ZNF595: variants seen among roughly 807,000 people sequenced by gnomAD.
ZNF595 encodes the protein zinc finger protein 595.
A neutral mutation model predicts 19.4 loss-of-function variants in ZNF595; 9 were observed. The observed-to-expected ratio is 0.46, with a 90% CI of 0.28 to 0.81. ZNF595 has a LOEUF of 0.81. Among genes scored for constraint, ZNF595 ranks in the 30% least tolerant of loss-of-function variants. The pLI is 0.11. For missense variants in ZNF595, 729 were observed against 736.0 expected (o/e 0.99, Z 0.11); for synonymous variants, 255 against 255.9 (o/e 1.00, Z 0.03).
chr4:60,296 T>C, intron 3 of ZNF595, 143 bp downstream of exon 3: 1 of 412,038 alleles, frequency 2.4e-6, no homozygotes, highest in Non-Finnish European at 4.7e-6. Flanking sequence ...TATTCACAAA[T>C]AGGGTCATCT....
chr4:84,045 C>T (rs1714034202), intron 3 of ZNF595, among the ~76,000 whole-genome samples: 1 of 151,984 alleles, frequency 6.6e-6, no homozygotes. Flanking sequence ...CATAAAATTT[C>T]TTAAAATAAT....
At chr4:78,464 G>A (rs1713765901) in intron 3 of ZNF595, among the ~76,000 whole-genome samples, 1 of 152,174 alleles carries the variant, frequency 6.6e-6, no homozygotes. Flanking sequence ...AAAGTTATCT[G>A]TGTGGTATTT....
Position 82,606 on chromosome 4 carries a change from A to G in ZNF595, c.227-3125A>G, listed in dbSNP as rs149705559. On this transcript the variant is annotated intron_variant, in intron 3 of 3. Coordinates refer to ENST00000610261, the MANE Select transcript of ZNF595 (RefSeq NM_182524.4). ...TCCATGTTGGTCAGGCTGGTCTCGA[A>G]CTAATGACCTCAAGTGATCTGCTTG... Among the ~76,000 whole-genome samples, 675 of 151,994 alleles carry G rather than the reference A, an allele frequency of 4.4e-3. 3 individuals are homozygous for G. Among genetic ancestry groups the G allele is most frequent in the African/African-American group, 0.015 (620 of 41,470 alleles).
At position 85,764 on chromosome 4, in the gene ZNF595, C is replaced by A; in HGVS notation, c.260C>A (p.Pro87Gln). 1 of 1,597,390 alleles carries A rather than the reference C, an allele frequency of 6.3e-7. No homozygotes were observed. Among genetic ancestry groups the A allele is most frequent in the African/African-American group, 1.3e-5 (1 of 74,300 alleles). ...ICSPFSQDLS[P>Q]VQGIEDSFHK... ...TCTCCTTTCAGCCAAGACCTTTCAC[C>A]AGTGCAGGGGATAGAAGATTCATTC... The change falls in exon 4 of 4, where the codon CCA (proline) becomes CAA (glutamine). Residue 87 changes from proline (P) to glutamine (Q), a missense_variant. Pro to Gln is a moderately conservative substitution (Grantham distance 76). Transcript: ENST00000610261.
chr4:82,997 T>G (rs1398804663), intron 3 of ZNF595, among the ~76,000 whole-genome samples: 1 of 152,160 alleles, frequency 6.6e-6, no homozygotes, highest in East Asian at 1.9e-4. Context: ...GCTCTCTATG[T>G]CTTGCTTTAC....
chr4:66,505 A>T (rs1349138033), intron 3 of ZNF595, among the ~76,000 whole-genome samples: 1 of 151,956 alleles, frequency 6.6e-6, no homozygotes, highest in Non-Finnish European at 1.5e-5. Flanking sequence ...TTGATGTTAC[A>T]TGCAAGAAAA....
chr4:82,371 G>GTTTTTTTTTTTTTTTTTTTTTTTTT (rs1560092266), intron 3 of ZNF595, among the ~76,000 whole-genome samples: 2 of 97,714 alleles, frequency 2.0e-5, no homozygotes, highest in African/African-American at 3.7e-5. Flanking sequence ...TTTGGTTTGT[G>GTTTTTTTTTTTTTTTTTTTTTTTTT]GTTTTTTTTT....
Position 86,904 on chromosome 4 carries a change from T to C in ZNF595, c.1400T>C (p.Leu467Pro). ...CGKAFTRSTT[L>P]NEHKKIHTGE... Reference sequence around the variant, plus strand: ...AAAGCCTTTACACGGTCCACAACACTGAACGAACATAAGAAAATTCATACT... The same window carrying C: ...AAAGCCTTTACACGGTCCACAACACCGAACGAACATAAGAAAATTCATACT... The change falls in exon 4 of 4, where the codon CTG (leucine) becomes CCG (proline). Residue 467 changes from leucine (L) to proline (P), a missense_variant. By Grantham distance (98) the Leu-to-Pro change is moderately conservative. Around this residue, in one of 2 missense-constraint regions of ZNF595, gnomAD observed 729 missense variants for 675.3 expected, o/e 1.08. Coordinates refer to ENST00000610261, the MANE Select transcript of ZNF595 (RefSeq NM_182524.4). The C allele has an allele frequency of 6.2e-7, 1 of 1,610,730 alleles. No individual in the cohort carries two copies. Among genetic ancestry groups the C allele is most frequent in the South Asian group, 1.1e-5 (1 of 90,546 alleles).
chr4:55,006 C>T (rs1313894404), intron 1 of ZNF595, among the ~76,000 whole-genome samples: 4 of 151,276 alleles, frequency 2.6e-5, no homozygotes, highest in Admixed American at 6.6e-5. Flanking sequence ...CTCAGTCTCC[C>T]GAGTAGCTGG....
intron 3 of ZNF595, among the ~76,000 whole-genome samples, chr4:79,194 T>C (rs1713801461): frequency 6.6e-6 from 1 of 152,238 alleles, no homozygotes; most frequent in Non-Finnish European, 1.5e-5. Flanking sequence ...TGTAATTATA[T>C]AATGTCTGTT....
intron 1 of ZNF595, among the ~76,000 whole-genome samples, chr4:55,187 TC>T (rs1581310118): frequency 6.6e-6 from 1 of 151,382 alleles, no homozygotes; most frequent in Non-Finnish European, 1.5e-5. Context: ...GCGCCCGGCC[TC>T]CCACCCATGG....
intron 3 of ZNF595, among the ~76,000 whole-genome samples, chr4:71,793 T>C (rs1322878005): frequency 6.6e-6 from 1 of 152,198 alleles, no homozygotes; most frequent in Non-Finnish European, 1.5e-5. Context: ...AAAGCTGATA[T>C]TGATGGGAAA....
chr4:66,282 C>A (rs1371488721), intron 3 of ZNF595, among the ~76,000 whole-genome samples: 1 of 150,732 alleles, frequency 6.6e-6, no homozygotes, highest in Non-Finnish European at 1.5e-5. Context: ...TTGTGTATTT[C>A]ATCTTTGGAG....
At chr4:74,549 C>G (rs377545090) in intron 3 of ZNF595, among the ~76,000 whole-genome samples, 2 of 152,122 alleles carry the variant, frequency 1.3e-5, no homozygotes, top group Non-Finnish European at 2.9e-5. Context: ...GGCAGGAAGT[C>G]CTGGAGACAT....
Position 70,869 on chromosome 4 carries a change from C to T in ZNF595, c.226+10716C>T, listed in dbSNP as rs114050922. Among the ~76,000 whole-genome samples, 904 of 152,168 alleles carry T rather than the reference C, an allele frequency of 5.9e-3. 5 individuals are homozygous for T. Among genetic ancestry groups the T allele is most frequent in the Admixed American group, 0.01 (154 of 15,286 alleles). On this transcript the variant is annotated intron_variant, in intron 3 of 3. Coordinates refer to ENST00000610261, the MANE Select transcript of ZNF595 (RefSeq NM_182524.4). ...CTGTCTACATTGTAGAATTGTTTTT[C>T]GTATTTCTGTGAAGAATGTCATTGA...
At chr4:74,381 G>C (rs1713559296) in intron 3 of ZNF595, among the ~76,000 whole-genome samples, 1 of 152,140 alleles carries the variant, frequency 6.6e-6, no homozygotes, top group Admixed American at 6.5e-5. Context: ...ATTGTTTTCT[G>C]TCTGAATGAT....
At chr4:71,346 G>T (rs1553797850) in intron 3 of ZNF595, among the ~76,000 whole-genome samples, 1 of 151,940 alleles carries the variant, frequency 6.6e-6, no homozygotes, top group African/African-American at 2.4e-5. Flanking sequence ...GTTCTGGCTG[G>T]CACTTCCAAT....
In ZNF595 at chr4:72,302, T is replaced by A. The variant is rs924748877; in HGVS notation, c.226+12149T>A. On this transcript the variant is annotated intron_variant, in intron 3 of 3. Transcript: ENST00000610261. ...AAGGGTAGTAAGTTTCTGAAATCTG[T>A]ACATTTTGGGAGCTATTTCACACAG... Among the ~76,000 whole-genome samples the A allele has an allele frequency of 2.0e-5, 3 of 152,184 alleles. No homozygotes were observed. The South Asian group carries it at 6.2e-4, about 32-fold the overall frequency.
intron 3 of ZNF595, among the ~76,000 whole-genome samples, chr4:73,673 A>G (rs1271943664): frequency 1.2e-4 from 18 of 152,156 alleles, no homozygotes; most frequent in African/African-American, 3.9e-4. Context: ...TTTGTCCTAT[A>G]TATTTTTTCC....
Sources: gnomAD v4.1 joint callset for allele counts (sites outside exome capture counted in the v4.1 genomes callset) on GRCh38, gnomAD v4.1.1 for gene constraint, gnomAD v4.1.1 regional missense constraint, MANE v1.5 for transcripts, NCBI Gene and HGNC (gene_info 2026-07-23, HGNC 2026-07-21) for gene names.